Variants in AGBL1 observed in about 807,000 individuals in gnomAD.
AGBL1 encodes the protein AGBL carboxypeptidase 1, also known as cytosolic carboxypeptidase 4.
A neutral mutation model predicts 118.9 loss-of-function variants in AGBL1; 130 were observed. The observed-to-expected ratio is 1.09, with a 90% CI of 0.95 to 1.26. The LOEUF is 1.26. AGBL1 is among the 50% of genes most tolerant of loss of function. AGBL1 has a pLI of 0.00. For synonymous variants in AGBL1, 555 were observed against 478.9 expected, an observed-to-expected ratio of 1.16 and a Z score of -2.08; for missense variants, 1,584 against 1,298.1, an observed-to-expected ratio of 1.22 and a Z score of -3.38.
intron 17 of AGBL1, 139 bp downstream of exon 17, chr15:86,295,547 C>A (rs2079622166): frequency 1.2e-6 from 1 of 809,194 alleles, no homozygotes; most frequent in Non-Finnish European, 1.8e-6. Context: ...ACACCCCCAG[C>A]TTTTCTTGGT....
At chr15:86,975,736 C>T (rs757389326) in intron 23 of AGBL1, among the ~76,000 whole-genome samples, 3 of 152,142 alleles carry the variant, frequency 2.0e-5, no homozygotes, top group Non-Finnish European at 4.4e-5. Context: ...CCACACTCAA[C>T]CTGTCTTTCA....
At chr15:86,220,435 C>G (rs1436928536) in intron 5 of AGBL1, among the ~76,000 whole-genome samples, 3 of 152,118 alleles carry the variant, frequency 2.0e-5, no homozygotes, top group East Asian at 3.9e-4. Flanking sequence ...TAGGTGCTCC[C>G]TAAATAGGGG....
At chr15:86,559,125 CTG>C (rs2083777923) in intron 21 of AGBL1, among the ~76,000 whole-genome samples, 3 of 152,278 alleles carry the variant, frequency 2.0e-5, no homozygotes, top group African/African-American at 7.2e-5. Flanking sequence ...ACCTCTATCT[CTG>C]TGTCTCCCCT....
Position 86,438,656 on chromosome 15 carries a change from TC to T in AGBL1, c.2555+41111del, listed in dbSNP as rs1468224764. The stretch of plus-strand genomic sequence containing the variant: ...ATTCGTATATAACTGATAATCTGTC[TC>T]TTTTTTTTTTTTTTTTTTTCTTGAG... On this transcript the variant is annotated intron_variant, in intron 18 of 22. Transcript: ENST00000614907. 2.2e-4 allele frequency among the ~76,000 whole-genome samples: 29 copies of T among 131,598 alleles called. 1 individual carries two copies. The highest frequency in any genetic ancestry group is 1.9e-3 in the East Asian group (6 of 3,222). The allele number at this position is 131,598 out of a possible 152,430, so 86.3% of individuals were successfully genotyped here. A position where few individuals can be genotyped will look rare whatever the true frequency, so the allele number is the denominator to read the frequency against.
chr15:86,563,858 TTGA>T (rs1489355015), intron 21 of AGBL1, among the ~76,000 whole-genome samples: 2 of 152,322 alleles, frequency 1.3e-5, no homozygotes, highest in African/African-American at 4.8e-5. Context: ...GCTCTTCTTG[TTGA>T]ATTGATCCCT....
chr15:87,001,601 G>A (rs2081438208), intron 24 of AGBL1, among the ~76,000 whole-genome samples: 1 of 152,044 alleles, frequency 6.6e-6, no homozygotes, highest in Non-Finnish European at 1.5e-5. Flanking sequence ...CACCAACAGT[G>A]TAAAAGTGTT....
At chr15:86,708,356 G>A (rs1415891392) in intron 22 of AGBL1, among the ~76,000 whole-genome samples, 1 of 152,096 alleles carries the variant, frequency 6.6e-6, no homozygotes, top group East Asian at 1.9e-4. Context: ...TGTACACAAG[G>A]AGAAAGGCCA....
intron 23 of AGBL1, among the ~76,000 whole-genome samples, chr15:86,946,784 C>T (rs1336052898): frequency 7.7e-6 from 1 of 129,034 alleles, no homozygotes; most frequent in Non-Finnish European, 1.6e-5. Flanking sequence ...GGGGAGGTTG[C>T]AGTGAGCCAA....
At chr15:86,883,695 G>T (rs568118820) in intron 22 of AGBL1, among the ~76,000 whole-genome samples, 3 of 152,228 alleles carry the variant, frequency 2.0e-5, no homozygotes, top group Admixed American at 6.5e-5. Context: ...CACATGGTAG[G>T]TAGGTGGAAG....
At chr15:86,149,270 C>T (rs1041156239) in intron 3 of AGBL1, among the ~76,000 whole-genome samples, 2 of 152,152 alleles carry the variant, frequency 1.3e-5, no homozygotes, top group Non-Finnish European at 2.9e-5. Context: ...CAAATTTACA[C>T]ATAATAATGT....
At chr15:86,115,084 G>T (rs1358801496) in intron 1 of AGBL1, among the ~76,000 whole-genome samples, 1 of 152,140 alleles carries the variant, frequency 6.6e-6, no homozygotes, top group African/African-American at 2.4e-5. Context: ...GTAATATCTT[G>T]ACTGCTAAAA....
intron 18 of AGBL1, among the ~76,000 whole-genome samples, chr15:86,459,212 T>C (rs574933449): frequency 3.9e-5 from 6 of 152,286 alleles, no homozygotes; most frequent in African/African-American, 1.4e-4. Flanking sequence ...TGCAGTGTTA[T>C]TGTTTTCAGT....
intron 22 of AGBL1, among the ~76,000 whole-genome samples, chr15:86,778,420 G>C (rs2078288272): frequency 6.6e-6 from 1 of 152,106 alleles, no homozygotes; most frequent in African/African-American, 2.4e-5. Context: ...GAGTGCTACG[G>C]GAGACTGCGG....
At chr15:86,505,233 C>T (rs1038566917) in intron 18 of AGBL1, among the ~76,000 whole-genome samples, 1 of 151,438 alleles carries the variant, frequency 6.6e-6, no homozygotes, top group African/African-American at 2.4e-5. Context: ...AGGTGTGGAC[C>T]CTGAGTTTAT....
intron 24 of AGBL1, chr15:86,988,192 G>A: frequency 3.6e-6 from 5 of 1,391,722 alleles, no homozygotes; most frequent in Non-Finnish European, 4.9e-6. Context: ...GAAAGTAAAT[G>A]GGTGGGCCAA....
At chr15:86,763,896 C>T (rs543016563) in intron 22 of AGBL1, among the ~76,000 whole-genome samples, 1 of 152,100 alleles carries the variant, frequency 6.6e-6, no homozygotes, top group Middle Eastern at 3.4e-3. Context: ...TGTAAAGAGA[C>T]TGCATCCAAG....
intron 17 of AGBL1, among the ~76,000 whole-genome samples, chr15:86,316,121 G>T (rs1294944227): frequency 6.6e-6 from 1 of 152,048 alleles, no homozygotes; most frequent in Non-Finnish European, 1.5e-5. Flanking sequence ...TTTATTCCTA[G>T]CTTGTCTACT....
Position 86,990,476 on chromosome 15 carries a change from T to A in AGBL1, c.3323+2388T>A, listed in dbSNP as rs550844345. 2.6e-5 allele frequency among the ~76,000 whole-genome samples: 4 copies of A among 151,832 alleles called. No individual in the cohort carries two copies. The South Asian group carries it at 6.2e-4, about 24-fold the overall frequency. ...TTGCAGTGAGCCAAGATTGTGCCAC[T>A]GCACTCCAGCCTGGGCAACAGAGCA... On this transcript the variant is annotated intron_variant, in intron 24 of 24. Coordinates refer to the AGBL1 transcript ENST00000441037.
intron 16 of AGBL1, 87 bp from the exon 17 acceptor site, chr15:86,295,168 A>G: frequency 6.9e-7 from 1 of 1,458,978 alleles, no homozygotes; most frequent in Non-Finnish European, 9.4e-7. Flanking sequence ...CAATACTTCT[A>G]AACTATATGT....
Sources: allele counts gnomAD v4.1 joint callset (sites outside exome capture counted in the v4.1 genomes callset), GRCh38; gene constraint gnomAD v4.1.1; transcripts MANE v1.5; gene names NCBI Gene and HGNC (gene_info 2026-07-23, HGNC 2026-07-21).